PAEP: variants seen among roughly 807,000 people sequenced by gnomAD.
PAEP encodes the protein progestagen associated endometrial protein, also known as glycodelin.
A neutral mutation model predicts 23.0 loss-of-function variants in PAEP; 28 were observed. The ratio of observed to expected loss-of-function variants is 1.22; its 90% CI spans 0.90 to 1.67. The LOEUF (loss-of-function observed/expected upper bound fraction) is 1.67. Among genes scored for constraint, PAEP ranks in the 40% most tolerant of loss-of-function variants. The probability of loss-of-function intolerance (pLI) is 0.00; values close to 1 mark genes in which losing one functional copy is unlikely to be tolerated. For synonymous variants in PAEP, 103 were observed against 92.4 expected, an observed-to-expected ratio of 1.12 and a Z score of -0.66; for missense variants, 209 against 226.4, an observed-to-expected ratio of 0.92 and a Z score of 0.49.
chr9:135,564,875 C>T lies in PAEP; in HGVS notation c.421+521C>T, dbSNP rs535127697. On this transcript the variant is annotated intron_variant, in intron 4 of 6. Transcript: ENST00000479141. ...AGGAGCTGATATAGGGCCAGTGGGACGGTCGCCAGTCAAGGGGCTGGGCTT... is the reference window on the plus strand; with the variant it reads ...AGGAGCTGATATAGGGCCAGTGGGATGGTCGCCAGTCAAGGGGCTGGGCTT... 41 of 985,382 alleles carry T rather than the reference C, an allele frequency of 4.2e-5. No individual in the cohort carries two copies. The East Asian group carries it at 8.0e-4, about 19-fold the overall frequency. 61.0% of individuals were successfully genotyped at this position (985,382 alleles called of 1,614,324 possible). A position where few individuals can be genotyped will look rare whatever the true frequency, so the allele number is the denominator to read the frequency against.
At chr9:135,563,014 C>T in intron 3 of PAEP, 121 bp downstream of exon 3, 1 of 754,938 alleles carries the variant, frequency 1.3e-6, no homozygotes, top group East Asian at 2.5e-5. Context: ...CTCTCTGCTT[C>T]AGGGAGTCAG....
At chr9:135,562,112 C>T (rs1832325392) in intron 1 of PAEP, among the ~76,000 whole-genome samples, 182 bp from the exon 2 acceptor site, 2 of 152,334 alleles carry the variant, frequency 1.3e-5, no homozygotes, top group Non-Finnish European at 1.5e-5. Context: ...TTGGAACACT[C>T]CTGAGTTAGC....
intron 3 of PAEP, 50 bp downstream of exon 3, chr9:135,562,943 ACGCTCTCCC>A (rs1832380229): frequency 7.0e-7 from 1 of 1,433,570 alleles, no homozygotes; most frequent in Non-Finnish European, 9.9e-7. Context: ...CATGCTAGCC[ACGCTCTCCC>A]AGAGGCGGCT....
At chr9:135,565,372 G>A (rs2119044953) in intron 4 of PAEP, 38 bp from the exon 5 acceptor site, 1 of 1,543,858 alleles carries the variant, frequency 6.5e-7, no homozygotes, top group African/African-American at 1.4e-5. Flanking sequence ...TCTCATGGAA[G>A]CCCCAGGGGC....
At chr9:135,563,634 C>T (rs116402621) in intron 3 of PAEP, among the ~76,000 whole-genome samples, 2,196 of 152,158 alleles carry the variant, frequency 0.014, 48 homozygotes, top group African/African-American at 0.05. Flanking sequence ...CCAGGCCTCT[C>T]TGGGGGAAGA....
intron 2 of PAEP, 146 bp downstream of exon 2, chr9:135,562,579 T>A: frequency 8.9e-7 from 1 of 1,125,698 alleles, no homozygotes. Context: ...TCCATGAGGG[T>A]GGGGTGGAAA....
At chr9:135,564,105 G>C (rs1196662675) in intron 3 of PAEP, 139 bp from the exon 4 acceptor site, 1 of 1,329,416 alleles carries the variant, frequency 7.5e-7, no homozygotes, top group African/African-American at 1.5e-5. Context: ...CCCTGATCAT[G>C]GTCCACAGCA....
In PAEP at chr9:135,566,809, G is replaced by A. The variant is rs1304817010; in HGVS notation, c.*257G>A. 3.9e-5 allele frequency: 6 copies of A among 154,862 alleles called. No individual in the cohort carries two copies. The Admixed American group carries it at 3.9e-4, about 10-fold the overall frequency. 9.6% of individuals were successfully genotyped at this position (154,862 alleles called of 1,614,324 possible). A position where few individuals can be genotyped will look rare whatever the true frequency, so the allele number is the denominator to read the frequency against. ...TGGATGCGCAGCCACTGCTGGGTGT[G>A]GGATTCAGGGACGAGGGCCTGGGGT... is the stretch of plus-strand genomic sequence containing the variant. On this transcript the variant is annotated 3_prime_UTR_variant, in exon 7 of 7. Transcript: ENST00000479141.
rs910708530 is a variant in PAEP, at chr9:135,564,333, A to G, written c.400A>G (p.Ser134Gly). ...CLQDTTTPIQ[S>G]MMCQYLARVL... is the part of the protein sequence containing the mutation. The stretch of plus-strand genomic sequence containing the variant: ...ACAGGACACCACCACCCCCATCCAG[A>G]GCATGATGTGCCAGTACCTGGGTGG... The change falls in exon 4 of 7, where the codon AGC becomes GGC. Residue 134 changes from serine (S) to glycine (G), a missense_variant. Ser to Gly is a moderately conservative substitution (Grantham distance 56). Transcript: ENST00000479141. 58 of 1,550,740 alleles carry G rather than the reference A, an allele frequency of 3.7e-5. No individual in the cohort carries two copies. Among genetic ancestry groups the G allele is most frequent in the Non-Finnish European group, 4.8e-5 (55 of 1,147,240 alleles).
At chr9:135,562,186 C>A in intron 1 of PAEP, 108 bp from the exon 2 acceptor site, 1 of 1,259,814 alleles carries the variant, frequency 7.9e-7, no homozygotes, top group Non-Finnish European at 1.1e-6. Flanking sequence ...AGCAGACAAC[C>A]ATCCAATGCT....
chr9:135,565,377 AG>A, intron 4 of PAEP, 32 bp from the exon 5 acceptor site: 3 of 1,567,278 alleles, frequency 1.9e-6, no homozygotes, highest in East Asian at 2.2e-5. Context: ...TGGAAGCCCC[AG>A]GGGCCCAGGA....
intron 4 of PAEP, chr9:135,565,187 G>C: frequency 5.2e-6 from 3 of 575,162 alleles, no homozygotes; most frequent in Non-Finnish European, 9.3e-6. Flanking sequence ...GAGCGGAGCA[G>C]AGGGGGCCGG....
chr9:135,564,170 G>A (rs1832465766), intron 3 of PAEP, 74 bp from the exon 4 acceptor site: 1 of 1,531,784 alleles, frequency 6.5e-7, no homozygotes, highest in Admixed American at 2.0e-5. Context: ...GTGGTGGGAT[G>A]TCCACACACC....
In PAEP at chr9:135,565,435, G is replaced by A; in HGVS notation, c.447G>A (p.Glu149=). 6.2e-7 allele frequency: 1 copy of A among 1,614,162 alleles called. No homozygotes were observed. Residue 149 remains glutamate (E), a synonymous_variant, in exon 5 of 7, where the codon GAG becomes GAA. Coordinates refer to ENST00000479141, the MANE Select transcript of PAEP (RefSeq NM_002571.4). Reference sequence around the variant, plus strand: ...CCAGAGTCCTGGTGGAGGACGATGAGATCATGCAGGGATTCATCAGGGCTT... The same window carrying A: ...CCAGAGTCCTGGTGGAGGACGATGAAATCATGCAGGGATTCATCAGGGCTT... ...YLARVLVEDD[E]IMQGFIRAFR...
chr9:135,562,443 T>C lies in PAEP; in HGVS notation c.236+10T>C. ...TCGTTCTGCACAGATGGTGGGTTTC[T>C]CATCATTGAGACGGGCTGGGCGGGG... On this transcript the variant is annotated intron_variant, in intron 2 of 6. Transcript: ENST00000479141. 1 of 1,612,854 alleles carries C rather than the reference T, an allele frequency of 6.2e-7. No individual in the cohort carries two copies. Among genetic ancestry groups the C allele is most frequent in the Non-Finnish European group, 8.5e-7 (1 of 1,179,352 alleles).
At position 135,562,800 on chromosome 9, in the gene PAEP, C is replaced by A. The variant is rs3748208; in HGVS notation, c.237-20C>A. The A allele has an allele frequency of 1.2e-6, 2 of 1,603,494 alleles. No homozygotes were observed. Among genetic ancestry groups the A allele is most frequent in the South Asian group, 2.2e-5 (2 of 90,598 alleles). Reference sequence around the variant, plus strand: ...ACTCCAATTCAAGTGGCCACTCATCCTATTGTCACCACCTTTCAGGGAGAA... The same window carrying A: ...ACTCCAATTCAAGTGGCCACTCATCATATTGTCACCACCTTTCAGGGAGAA... On this transcript the variant is annotated intron_variant, in intron 2 of 6. Transcript: ENST00000479141.
intron 4 of PAEP, 47 bp from the exon 5 acceptor site, chr9:135,565,363 C>G (rs2070909): frequency 0.082 from 121,724 of 1,490,228 alleles, 14,172 homozygotes; most frequent in East Asian, 0.5. Flanking sequence ...CTCCCCAGCT[C>G]TCATGGAAGC....
intron 4 of PAEP, 147 bp from the exon 5 acceptor site, chr9:135,565,263 C>G (rs1832522954): frequency 1.5e-6 from 1 of 676,610 alleles, no homozygotes; most frequent in African/African-American, 1.8e-5. Context: ...GGAGACCGCC[C>G]TAGGGACCTA....
Position 135,564,323 on chromosome 9 carries a change from C to T in PAEP, c.390C>T (p.Thr130=), listed in dbSNP as rs140935798. ...FLFLCLQDTT[T]PIQSMMCQYL... is the part of the protein sequence containing the mutation. Reference sequence around the variant, plus strand: ...TTCTCTGCCTACAGGACACCACCACCCCCATCCAGAGCATGATGTGCCAGT... The same window carrying T: ...TTCTCTGCCTACAGGACACCACCACTCCCATCCAGAGCATGATGTGCCAGT... Residue 130 remains threonine, a synonymous_variant, in exon 4 of 7, where the codon ACC becomes ACT. Transcript: ENST00000479141. 2.2e-3 allele frequency: 3,377 copies of T among 1,551,422 alleles called. 19 individuals carry two copies. The highest frequency in any genetic ancestry group is 0.011 in the South Asian group (916 of 84,046).
Sources: gnomAD v4.1 joint callset for allele counts (sites outside exome capture counted in the v4.1 genomes callset) on GRCh38, gnomAD v4.1.1 for gene constraint, MANE v1.5 for transcripts, NCBI Gene and HGNC (gene_info 2026-07-23, HGNC 2026-07-21) for gene names.